The following SPECC1 variants were observed in gnomAD, a reference collection of about 807,000 sequenced individuals.
SPECC1 encodes the protein sperm antigen with calponin homology and coiled-coil domains 1, also known as cytospin-B.
In SPECC1, 62 loss-of-function variants were observed where a neutral mutation model predicts 104.1. The ratio of observed to expected loss-of-function variants is 0.60; its 90% CI spans 0.49 to 0.74. The LOEUF (loss-of-function observed/expected upper bound fraction) is 0.74. SPECC1 is among the 30% of genes least tolerant of loss of function. The pLI, the probability that SPECC1 is intolerant of heterozygous loss-of-function variation, is 0.00. For synonymous variants in SPECC1, 513 were observed against 501.6 expected, an observed-to-expected ratio of 1.02 and a Z score of -0.30; for missense variants, 1,306 against 1,310.5, an observed-to-expected ratio of 1.00 and a Z score of 0.05.
chr17:20,293,072 A>C (rs1455746549), intron 12 of SPECC1, among the ~76,000 whole-genome samples: 1 of 152,204 alleles, frequency 6.6e-6, no homozygotes, highest in African/African-American at 2.4e-5. Flanking sequence ...TAAACCCTAC[A>C]TGTGACATGT....
chr17:20,037,315 C>T (rs184448695), intron 1 of SPECC1, among the ~76,000 whole-genome samples: 1 of 151,784 alleles, frequency 6.6e-6, no homozygotes, highest in East Asian at 1.9e-4. Context: ...CCCTGCCTGG[C>T]TAATTTTTGT....
At chr17:20,017,545 C>T (rs1185519914) in intron 1 of SPECC1, 1 of 152,990 alleles carries the variant, frequency 6.5e-6, no homozygotes, top group East Asian at 1.9e-4. Context: ...AAGAACCCAC[C>T]AATTCCGGAC....
intron 3 of SPECC1, among the ~76,000 whole-genome samples, chr17:20,141,072 C>T (rs997991817): frequency 6.6e-6 from 1 of 152,342 alleles, no homozygotes; most frequent in East Asian, 1.9e-4. Context: ...CTGCTGCCCC[C>T]TTCTCTCCTC....
At chr17:20,037,834 G>A (rs6587209) in intron 1 of SPECC1, among the ~76,000 whole-genome samples, 57 of 152,058 alleles carry the variant, frequency 3.7e-4, no homozygotes, top group African/African-American at 5.3e-4. Context: ...ATAATTTGTC[G>A]TTTTTATTTG....
chr17:20,174,808 G>A (rs1487583837), intron 3 of SPECC1, among the ~76,000 whole-genome samples: 3 of 152,014 alleles, frequency 2.0e-5, no homozygotes, highest in African/African-American at 7.2e-5. Flanking sequence ...GGAGGTCAGC[G>A]CCTAGACCTG....
intron 1 of SPECC1, chr17:20,073,597 G>A (rs1187913621): frequency 3.3e-5 from 5 of 152,218 alleles, no homozygotes; most frequent in South Asian, 2.1e-4. Context: ...GGCCCCCTCC[G>A]AGTGTGGTTT....
At chr17:20,292,093 G>C (rs941422514) in intron 12 of SPECC1, among the ~76,000 whole-genome samples, 1 of 151,912 alleles carries the variant, frequency 6.6e-6, no homozygotes, top group African/African-American at 2.4e-5. Flanking sequence ...TGCAAGAGAT[G>C]GGTTTGGAGA....
intron 1 of SPECC1, among the ~76,000 whole-genome samples, chr17:20,069,830 A>T (rs893461789): frequency 3.3e-5 from 5 of 152,038 alleles, no homozygotes; most frequent in African/African-American, 1.2e-4. Flanking sequence ...ATTAACATTT[A>T]TAAATATTTT....
At position 20,227,601 on chromosome 17, in the gene SPECC1, A is replaced by C; in HGVS notation, c.2052A>C (p.Gln684His). The C allele has an allele frequency of 6.2e-7, 1 of 1,611,726 alleles. No individual in the cohort carries two copies. Among genetic ancestry groups the C allele is most frequent in the East Asian group, 2.2e-5 (1 of 44,850 alleles). The stretch of plus-strand genomic sequence containing the variant: ...GGGCTGTCAAGTTACACAATAATCA[A>C]CTCATCAGTGAGCTAGAAAGTAAGT... Reference protein sequence around the residue: ...QHRAVKLHNNQLISELESSVI... With the variant: ...QHRAVKLHNNHLISELESSVI... The change falls in exon 5 of 15, where the codon CAA becomes CAC. Residue 684 changes from glutamine to histidine, a missense_variant. By Grantham distance (24) the Gln-to-His change is conservative. Around this residue, in one of 2 missense-constraint regions of SPECC1, gnomAD observed 1,177 missense variants for 1,139.9 expected, o/e 1.03. Transcript: ENST00000395527.
intron 1 of SPECC1, among the ~76,000 whole-genome samples, chr17:20,011,644 T>C (rs1220293863): frequency 6.6e-6 from 1 of 152,194 alleles, no homozygotes; most frequent in Non-Finnish European, 1.5e-5. Flanking sequence ...ATTTCTGTTT[T>C]TTATCTTTCT....
At chr17:20,189,280 A>G (rs1418361356) in intron 3 of SPECC1, among the ~76,000 whole-genome samples, 2 of 152,268 alleles carry the variant, frequency 1.3e-5, no homozygotes, top group East Asian at 1.9e-4. Flanking sequence ...AGAGGTGCCA[A>G]GCTCTCTAGT....
chr17:20,291,998 A>G (rs2041183292), intron 12 of SPECC1, among the ~76,000 whole-genome samples: 1 of 151,266 alleles, frequency 6.6e-6, no homozygotes. Context: ...CCTTGTGTAC[A>G]CAGATGCCTT....
intron 3 of SPECC1, among the ~76,000 whole-genome samples, chr17:20,171,671 T>C (rs2034101598): frequency 6.6e-6 from 1 of 152,048 alleles, no homozygotes; most frequent in Non-Finnish European, 1.5e-5. Flanking sequence ...CCTCAACCTC[T>C]CGGGTAGCTA....
chr17:20,233,029 G>T (rs2038696740), intron 7 of SPECC1, among the ~76,000 whole-genome samples: 1 of 152,222 alleles, frequency 6.6e-6, no homozygotes, highest in Non-Finnish European at 1.5e-5. Context: ...TGACATTTAA[G>T]AGGAAGGTAT....
intron 1 of SPECC1, among the ~76,000 whole-genome samples, chr17:20,051,093 T>TTTCG (rs1491119551): frequency 1.5e-4 from 16 of 107,168 alleles, no homozygotes; most frequent in African/African-American, 5.2e-4. Flanking sequence ...TCTTTCTTTC[T>TTTCG]TTCTTTCTTT....
At chr17:20,164,073 T>C (rs2033419107) in intron 3 of SPECC1, among the ~76,000 whole-genome samples, 1 of 152,358 alleles carries the variant, frequency 6.6e-6, no homozygotes, top group East Asian at 1.9e-4. Context: ...TCTGATTCTT[T>C]TGATTATTTC....
chr17:20,077,154 C>T (rs2046791442), intron 1 of SPECC1, among the ~76,000 whole-genome samples: 1 of 152,132 alleles, frequency 6.6e-6, no homozygotes, highest in South Asian at 2.1e-4. Flanking sequence ...AAATTGGTTT[C>T]ATTTTTTTCG....
At chr17:20,239,061 G>C in intron 7 of SPECC1, 1 of 1,032,884 alleles carries the variant, frequency 9.7e-7, no homozygotes, top group Non-Finnish European at 1.2e-6. Flanking sequence ...GGTTGACATG[G>C]AATATGAACA....
intron 3 of SPECC1, among the ~76,000 whole-genome samples, chr17:20,120,200 A>G (rs1218961578): frequency 1.3e-5 from 2 of 152,206 alleles, no homozygotes; most frequent in Non-Finnish European, 2.9e-5. Flanking sequence ...CCTGGCCAAC[A>G]TGGCGAAACC....
Sources: gnomAD v4.1 joint callset for allele counts (sites outside exome capture counted in the v4.1 genomes callset) on GRCh38, gnomAD v4.1.1 for gene constraint, gnomAD v4.1.1 regional missense constraint, MANE v1.5 for transcripts, NCBI Gene and HGNC (gene_info 2026-07-23, HGNC 2026-07-21) for gene names.